The following CROCC2 variants were observed in gnomAD, a reference collection of about 807,000 sequenced individuals.
CROCC2 encodes ciliary rootlet coiled-coil, rootletin family member 2, also known as ciliary rootlet coiled-coil protein 2.
A neutral mutation model predicts 177.6 loss-of-function variants in CROCC2; 163 were observed. The ratio of observed to expected loss-of-function variants is 0.92; its 90% CI spans 0.81 to 1.05. The LOEUF (loss-of-function observed/expected upper bound fraction) is 1.05, where lower values mean the gene tolerates loss of function less well. CROCC2 is among the 50% of genes least tolerant of loss of function. The pLI is 0.00. For synonymous variants in CROCC2, 904 were observed against 787.3 expected, an observed-to-expected ratio of 1.15 and a Z score of -2.48; for missense variants, 1,929 against 1,797.8, an observed-to-expected ratio of 1.07 and a Z score of -1.32.
chr2:240,958,256 G>A lies in CROCC2; in HGVS notation c.2944-1045G>A. ...ATGCCCTGTCCCTGAGGCCCTCACA[G>A]GGGTATCCTGCAGCCAGGCCTCAGG... On this transcript the variant is annotated intron_variant, in intron 19 of 31. Coordinates refer to ENST00000690015, the MANE Select transcript of CROCC2 (RefSeq NM_001351305.2). The surrounding 1 kb of genome is among the most constrained non-coding windows in gnomAD (Gnocchi z 6.7). 1.1e-6 allele frequency: 1 copy of A among 930,510 alleles called. No homozygotes were observed. Among genetic ancestry groups the A allele is most frequent in the Non-Finnish European group, 1.3e-6 (1 of 779,684 alleles). The allele number at this position is 930,510 out of a possible 1,614,324, so 57.6% of individuals were successfully genotyped here.
intron 28 of CROCC2, chr2:240,983,589 G>C: frequency 8.6e-6 from 11 of 1,282,412 alleles, no homozygotes; most frequent in Non-Finnish European, 1.1e-5. Flanking sequence ...GTAGGCGGCA[G>C]CGGTGGTCCT....
intron 2 of CROCC2, among the ~76,000 whole-genome samples, chr2:240,919,482 G>A (rs954125505): frequency 5.9e-5 from 9 of 152,126 alleles, no homozygotes; most frequent in Admixed American, 1.3e-4. Flanking sequence ...GCTCCAGGCC[G>A]CCTGTCCTGT....
At chr2:240,976,360 GCTCATCC>G (rs2059765539) in intron 27 of CROCC2, among the ~76,000 whole-genome samples, 1 of 108,976 alleles carries the variant, frequency 9.2e-6, no homozygotes, top group African/African-American at 3.5e-5. Flanking sequence ...AGGAGCCCAG[GCTCATCC>G]CTGCTCAGTC....
chr2:240,914,765 C>A (rs1288492447), intron 1 of CROCC2, among the ~76,000 whole-genome samples: 1 of 152,196 alleles, frequency 6.6e-6, no homozygotes, highest in South Asian at 2.1e-4. Flanking sequence ...AGGCAGCTGT[C>A]CAAGCAGGAC....
rs772736743 is a variant in CROCC2, at chr2:240,935,514, C to T, written c.2095C>T (p.Arg699Trp). ...LQQACGRLEQ[R>W]QEQLEGQAAL... ...GCAGGCCTGCGGACGCCTGGAGCAG[C>T]GGCAGGAGCAGCTGGAGGGGCAGGC... The change falls in exon 14 of 32, where the codon CGG (arginine) becomes TGG (tryptophan). Residue 699 changes from arginine to tryptophan, a missense_variant. Coordinates refer to ENST00000690015, the MANE Select transcript of CROCC2 (RefSeq NM_001351305.2). The T allele has an allele frequency of 3.2e-4, 425 of 1,347,594 alleles. 1 individual carries two copies. Among genetic ancestry groups the T allele is most frequent in the Middle Eastern group, 5.7e-4 (2 of 3,514 alleles). The allele number at this position is 1,347,594 out of a possible 1,614,324, so 83.5% of individuals were successfully genotyped here. A position where few individuals can be genotyped will look rare whatever the true frequency, so the allele number is the denominator to read the frequency against.
chr2:240,915,172 G>A (rs145487739), intron 1 of CROCC2, among the ~76,000 whole-genome samples: 42 of 152,164 alleles, frequency 2.8e-4, no homozygotes, highest in Admixed American at 1.6e-3. Context: ...GTGACCTCCC[G>A]GCCCCCCATT....
chr2:240,985,898 C>T (rs1336648448), intron 28 of CROCC2: 1 of 454,500 alleles, frequency 2.2e-6, no homozygotes, highest in Non-Finnish European at 4.4e-6. Flanking sequence ...AGGGCCCCCA[C>T]CTGGCAGGTG....
At chr2:240,976,419 A>C (rs1338967984) in intron 27 of CROCC2, among the ~76,000 whole-genome samples, 87 of 122,562 alleles carry the variant, frequency 7.1e-4, no homozygotes, top group African/African-American at 2.6e-3. Flanking sequence ...ATCCCTGCTC[A>C]GTCTCTGGGG....
intron 27 of CROCC2, among the ~76,000 whole-genome samples, chr2:240,981,165 T>A (rs33920907): frequency 3.1e-3 from 263 of 85,966 alleles, no homozygotes; most frequent in East Asian, 0.012. Context: ...TAGGAGCCTC[T>A]GGAGCCCAGG....
At position 240,965,900 on chromosome 2, in the gene CROCC2, C is replaced by A. The variant is rs2059680066; in HGVS notation, c.3868C>A (p.Leu1290Met). 8 of 1,432,310 alleles carry A rather than the reference C, an allele frequency of 5.6e-6. No individual in the cohort carries two copies. Among genetic ancestry groups the A allele is most frequent in the Non-Finnish European group, 7.3e-6 (8 of 1,092,004 alleles). 88.7% of individuals were successfully genotyped at this position (1,432,310 alleles called of 1,614,324 possible). A position where few individuals can be genotyped will look rare whatever the true frequency, so the allele number is the denominator to read the frequency against. ...EGARQDAEAQLGRLCSTLRRG... is the reference protein window; with the variant it reads ...EGARQDAEAQMGRLCSTLRRG... ...TGCAAGGCAGGATGCGGAGGCCCAG[C>A]TGGGCCGGCTGTGCTCCACGCTCCG... The change falls in exon 24 of 32, where the codon CTG becomes ATG. Residue 1290 changes from leucine to methionine, a missense_variant. By Grantham distance (15) the Leu-to-Met change is conservative (BLOSUM62 2). This residue lies in a region of CROCC2 where 144 missense variants were observed against 205.2 expected (regional missense o/e 0.70). Transcript: ENST00000690015.
chr2:240,993,029 A>G (rs1450374080), intron 31 of CROCC2, 37 bp from the exon 32 acceptor site: 1 of 715,658 alleles, frequency 1.4e-6, no homozygotes, highest in South Asian at 1.5e-5. Context: ...GTCCCCGGGA[A>G]TGCGGTGTCC....
chr2:240,928,073 G>A (rs887046271), intron 5 of CROCC2, among the ~76,000 whole-genome samples: 21 of 152,188 alleles, frequency 1.4e-4, no homozygotes, highest in African/African-American at 4.8e-4. Flanking sequence ...TATTGTTTCT[G>A]CTGGTTTCTG....
chr2:240,987,277 A>G (rs1048372268), intron 28 of CROCC2, among the ~76,000 whole-genome samples: 9 of 152,144 alleles, frequency 5.9e-5, no homozygotes, highest in Non-Finnish European at 1.0e-4. Context: ...GAGGGAAGGA[A>G]CAGCTAATGA....
chr2:240,949,809 T>C lies in CROCC2; in HGVS notation c.2652+107T>C. 8.2e-7 allele frequency: 1 copy of C among 1,214,202 alleles called. No individual in the cohort carries two copies. Among genetic ancestry groups the C allele is most frequent in the Admixed American group, 2.8e-5 (1 of 35,912 alleles). 75.2% of individuals were successfully genotyped at this position (1,214,202 alleles called of 1,614,324 possible). A position where few individuals can be genotyped will look rare whatever the true frequency, so the allele number is the denominator to read the frequency against. On this transcript the variant is annotated intron_variant, in intron 17 of 31. Transcript: ENST00000690015. This position sits in a 1 kb window ranked among gnomAD's most constrained non-coding sequence, Gnocchi z 4.5. ...CCCTGGGAGACAGAGCTCAGAGACATAGGCGCCTGGCCAGGGCTGGGCAAG... is the reference window on the plus strand; with the variant it reads ...CCCTGGGAGACAGAGCTCAGAGACACAGGCGCCTGGCCAGGGCTGGGCAAG...
At chr2:240,922,425 G>A in intron 3 of CROCC2, 114 bp from the exon 4 acceptor site, 1 of 578,856 alleles carries the variant, frequency 1.7e-6, no homozygotes. Context: ...CTGCTGTGGG[G>A]CCCCAGGGAG....
chr2:240,969,623 G>A (rs2059708077), intron 27 of CROCC2, among the ~76,000 whole-genome samples: 1 of 152,244 alleles, frequency 6.6e-6, no homozygotes, highest in Non-Finnish European at 1.5e-5. Flanking sequence ...GGAGCGGGCT[G>A]AGTTGGGCCA....
rs529301268 is a variant in CROCC2 at position 240,965,376 on chromosome 2, C to T, written c.3466-5C>T. ...GACCCTGTCCGTGCGGCCCCACGCT[C>T]CCAGGTGAGGACACTGAAGGCCGAG... On this transcript the variant is annotated splice_region_variant and splice_polypyrimidine_tract_variant and intron_variant, in intron 22 of 31. Transcript: ENST00000690015. 1.2e-5 allele frequency: 19 copies of T among 1,549,218 alleles called. No homozygotes were observed. Among genetic ancestry groups the T allele is most frequent in the South Asian group, 9.5e-5 (8 of 83,990 alleles).
rs535506121 is a variant in CROCC2 at position 240,958,109 on chromosome 2, G to A, written c.2944-1192G>A. ...CTTTGCCACCTCGGCTCAGAAAATG[G>A]AAATTAAAACTGTTGAGAGGAGCGG... On this transcript the variant is annotated intron_variant, in intron 19 of 31. Transcript: ENST00000690015. The surrounding 1 kb of genome is among the most constrained non-coding windows in gnomAD (Gnocchi z 6.7). 3.3e-3 allele frequency: 3,240 copies of A among 985,408 alleles called. 6 individuals are homozygous for A. Among genetic ancestry groups the A allele is most frequent in the Admixed American group, 4.1e-3 (66 of 16,288 alleles). 61.0% of individuals were successfully genotyped at this position (985,408 alleles called of 1,614,324 possible). A position where few individuals can be genotyped will look rare whatever the true frequency, so the allele number is the denominator to read the frequency against.
At chr2:240,922,438 C>T (rs2059362320) in intron 3 of CROCC2, 101 bp from the exon 4 acceptor site, 1 of 590,036 alleles carries the variant, frequency 1.7e-6, no homozygotes, top group African/African-American at 1.9e-5. Flanking sequence ...CCAGGGAGCC[C>T]TCTCTTCCCC....
Sources: gnomAD v4.1 joint callset for allele counts (sites outside exome capture counted in the v4.1 genomes callset) on GRCh38, gnomAD v4.1.1 for gene constraint, gnomAD v4.1.1 regional missense constraint, Gnocchi (gnomAD v3.1) non-coding constraint, MANE v1.5 for transcripts, NCBI Gene and HGNC (gene_info 2026-07-23, HGNC 2026-07-21) for gene names.